The following CATSPERE variants were observed in gnomAD, a reference collection of about 807,000 sequenced individuals.
CATSPERE encodes the protein catsper channel auxiliary subunit epsilon.
CATSPERE carries 93 observed loss-of-function variants against 114.1 expected under a neutral mutation model. That is an observed-to-expected ratio of 0.81 (90% CI 0.69 to 0.97). CATSPERE has a LOEUF of 0.97. Ranked by LOEUF, CATSPERE falls within the 50% of genes least tolerant of loss-of-function variation. The pLI, the probability that CATSPERE is intolerant of heterozygous loss-of-function variation, is 0.00. For missense variants in CATSPERE, 1,058 were observed against 1,131.6 expected, an observed-to-expected ratio of 0.93 and a Z score of 0.93; for synonymous variants, 341 against 384.1, an observed-to-expected ratio of 0.89 and a Z score of 1.31.
intron 9 of CATSPERE, among the ~76,000 whole-genome samples, chr1:244,554,484 G>C (rs1252251770): frequency 6.6e-6 from 1 of 152,034 alleles, no homozygotes. Flanking sequence ...GGGCAACATG[G>C]TGAGACCCCA....
At chr1:244,482,605 AAAAAAT>A (rs1488318753) in intron 5 of CATSPERE, among the ~76,000 whole-genome samples, 1 of 152,116 alleles carries the variant, frequency 6.6e-6, no homozygotes, top group African/African-American at 2.4e-5. Context: ...CCATCTCTAG[AAAAAAT>A]AAAAATAAAA....
At chr1:244,638,212 G>A (rs183422240) in intron 21 of CATSPERE, among the ~76,000 whole-genome samples, 6 of 152,214 alleles carry the variant, frequency 3.9e-5, no homozygotes, top group African/African-American at 7.2e-5. Flanking sequence ...CTCTTTCTCC[G>A]ATCCATCCAG....
rs532677871 is a variant in CATSPERE, at chr1:244,607,829, G to A, written c.2403+2035G>A. 1.5e-4 allele frequency among the ~76,000 whole-genome samples: 23 copies of A among 152,282 alleles called. No homozygotes were observed. The highest frequency in any genetic ancestry group is 5.3e-4 in the African/African-American group (22 of 41,558). ...CTATATGTGATCAAGAATTAAACTT[G>A]TTGGCTAGGCACGGTGGCTCATGCC... On this transcript the variant is annotated intron_variant, in intron 18 of 21. Transcript: ENST00000366534. The surrounding 1 kb of genome is among the most constrained non-coding windows in gnomAD (Gnocchi z 4.4).
intron 8 of CATSPERE, among the ~76,000 whole-genome samples, chr1:244,530,923 G>T (rs2148417455): frequency 6.6e-6 from 1 of 152,106 alleles, no homozygotes; most frequent in Admixed American, 6.5e-5. Context: ...GAGACTTTAT[G>T]TTTTTCCAAA....
At chr1:244,452,817 C>T (rs894332370), upstream of CATSPERE, among the ~76,000 whole-genome samples, 2 of 152,210 alleles carry the variant, frequency 1.3e-5, no homozygotes, top group Non-Finnish European at 2.9e-5. Context: ...TCCACTGTCT[C>T]TCAGTTACAT....
In CATSPERE at chr1:244,490,418, TA is replaced by T. The variant is rs780432800; in HGVS notation, c.327-25del. The T allele has an allele frequency of 3.3e-6, 5 of 1,501,906 alleles. 1 individual carries two copies. In the South Asian group the frequency reaches 4.7e-5, roughly 14 times the overall value. 93.0% of individuals were successfully genotyped at this position (1,501,906 alleles called of 1,614,324 possible). On this transcript the variant is annotated intron_variant, in intron 5 of 21. Coordinates refer to ENST00000366534, the MANE Select transcript of CATSPERE (RefSeq NM_001130957.2). The stretch of plus-strand genomic sequence containing the variant: ...ACCTAATGTTTAACAGGCTGTTTAC[TA>T]AAATATGTTTCCTCTTTTTCCAAGC...
At chr1:244,591,806 A>T in intron 15 of CATSPERE, 75 bp downstream of exon 15, 1 of 904,074 alleles carries the variant, frequency 1.1e-6, no homozygotes. Context: ...GTACTTATTC[A>T]GTGGATTATT....
At chr1:244,589,160 T>G (rs1489943051) in intron 14 of CATSPERE, among the ~76,000 whole-genome samples, 1 of 152,198 alleles carries the variant, frequency 6.6e-6, no homozygotes, top group Non-Finnish European at 1.5e-5. Context: ...CACAAATCTG[T>G]TTAGCTGAGG....
In CATSPERE at chr1:244,568,853, T is replaced by C. The variant is rs1193352005; in HGVS notation, c.1508-3477T>C. ...GCCCCCTTTCCAGCGGAGTGAATCG[T>C]TCTCTCTCACTGGTGTTCCTGGCAC... is the stretch of plus-strand genomic sequence containing the variant. On this transcript the variant is annotated intron_variant, in intron 10 of 21. Coordinates refer to ENST00000366534, the MANE Select transcript of CATSPERE (RefSeq NM_001130957.2). The surrounding 1 kb of genome is among the most constrained non-coding windows in gnomAD (Gnocchi z 4.4). 6.6e-6 allele frequency among the ~76,000 whole-genome samples: 1 copy of C among 152,142 alleles called. No homozygotes were observed. The highest frequency in any genetic ancestry group is 1.5e-5 in the Non-Finnish European group (1 of 68,014).
At chr1:244,477,765 A>G in intron 3 of CATSPERE, 141 bp from the exon 4 acceptor site, 4 of 926,046 alleles carry the variant, frequency 4.3e-6, no homozygotes, top group Non-Finnish European at 6.6e-6. Context: ...CGAATATAGT[A>G]TAGAAGTAAA....
intron 5 of CATSPERE, among the ~76,000 whole-genome samples, chr1:244,488,187 T>C (rs567780889): frequency 2.6e-4 from 39 of 152,376 alleles, no homozygotes; most frequent in Non-Finnish European, 5.1e-4. Context: ...TCTCTCTGTC[T>C]TCTGAAACTG....
At chr1:244,452,410 C>T (rs1418709209), upstream of CATSPERE, among the ~76,000 whole-genome samples, 1 of 152,176 alleles carries the variant, frequency 6.6e-6, no homozygotes, top group Non-Finnish European at 1.5e-5. Context: ...GTACAAACAG[C>T]ATAAAATCGG....
At chr1:244,595,039 G>C (rs572190630) in intron 17 of CATSPERE, among the ~76,000 whole-genome samples, 2 of 152,188 alleles carry the variant, frequency 1.3e-5, no homozygotes, top group African/African-American at 4.8e-5. Context: ...TTGTGTTTTC[G>C]TGTTTGTTTA....
intron 2 of CATSPERE, among the ~76,000 whole-genome samples, chr1:244,471,561 T>C (rs1451730790): frequency 6.6e-6 from 1 of 152,212 alleles, no homozygotes; most frequent in Non-Finnish European, 1.5e-5. Flanking sequence ...ATCTCAGCCA[T>C]TGGCAGCCAC....
chr1:244,453,924 C>T (rs557747984), upstream of CATSPERE, among the ~76,000 whole-genome samples: 11 of 152,158 alleles, frequency 7.2e-5, no homozygotes, highest in African/African-American at 2.4e-4. Flanking sequence ...AGGAAGAGTC[C>T]AGGTTTGGGA....
chr1:244,542,219 C>G (rs1658938671), intron 8 of CATSPERE, among the ~76,000 whole-genome samples: 1 of 152,094 alleles, frequency 6.6e-6, no homozygotes, highest in Non-Finnish European at 1.5e-5. Flanking sequence ...AAGCCTTCCC[C>G]ATACCAGGAG....
chr1:244,527,550 A>C (rs1678847288), intron 8 of CATSPERE, among the ~76,000 whole-genome samples: 1 of 152,176 alleles, frequency 6.6e-6, no homozygotes, highest in Non-Finnish European at 1.5e-5. Flanking sequence ...TAATGCAATC[A>C]TCACAGGGTC....
intron 2 of CATSPERE, among the ~76,000 whole-genome samples, chr1:244,473,547 CTG>C (rs1219489710): frequency 6.6e-6 from 1 of 152,120 alleles, no homozygotes; most frequent in African/African-American, 2.4e-5. Context: ...TTCTCCCAGT[CTG>C]TTGCTTGTCT....
chr1:244,621,369 T>G (rs1488238419), intron 20 of CATSPERE, among the ~76,000 whole-genome samples: 2 of 138,140 alleles, frequency 1.4e-5, no homozygotes, highest in Non-Finnish European at 3.0e-5. Context: ...TAACTGTAAA[T>G]CTACACTCAA....
Sources: allele counts gnomAD v4.1 joint callset (sites outside exome capture counted in the v4.1 genomes callset), GRCh38; gene constraint gnomAD v4.1.1; non-coding constraint Gnocchi (gnomAD v3.1); transcripts MANE v1.5; gene names NCBI Gene and HGNC (gene_info 2026-07-23, HGNC 2026-07-21).